The following B4GALT1 variants were observed in gnomAD, a reference collection of about 807,000 sequenced individuals.
B4GALT1 encodes N-acetyllactosamine synthase.
Under a neutral mutation model 34.9 loss-of-function variants are expected in B4GALT1, and 16 were observed. The ratio of observed to expected loss-of-function variants is 0.46; its 90% CI spans 0.31 to 0.70. The LOEUF is 0.70. Among genes scored for constraint, B4GALT1 ranks in the 30% least tolerant of loss-of-function variants. B4GALT1 has a pLI of 0.05. For missense variants in B4GALT1, 445 were observed against 530.5 expected, an observed-to-expected ratio of 0.84 and a Z score of 1.58; for synonymous variants, 221 against 218.1, an observed-to-expected ratio of 1.01 and a Z score of -0.12.
At chr9:33,151,009 T>C (rs1252013935) in intron 1 of B4GALT1, among the ~76,000 whole-genome samples, 1 of 151,914 alleles carries the variant, frequency 6.6e-6, no homozygotes, top group African/African-American at 2.4e-5. Context: ...AAGGGAGAGA[T>C]GGCGGATGGA....
At chr9:33,127,770 T>C (rs974259616) in intron 2 of B4GALT1, among the ~76,000 whole-genome samples, 1 of 152,174 alleles carries the variant, frequency 6.6e-6, no homozygotes, top group Non-Finnish European at 1.5e-5. Flanking sequence ...ATAAAGAATT[T>C]AAGGAAAAAG....
chr9:33,171,373 A>G (rs1261622743), upstream of B4GALT1, among the ~76,000 whole-genome samples: 1 of 152,206 alleles, frequency 6.6e-6, no homozygotes, highest in African/African-American at 2.4e-5. Context: ...AGGACTCTCC[A>G]TGTGGCTGCT....
intron 1 of B4GALT1, among the ~76,000 whole-genome samples, chr9:33,165,008 C>T (rs927605430): frequency 2.3e-5 from 3 of 132,714 alleles, no homozygotes; most frequent in Non-Finnish European, 4.7e-5. Context: ...AGTCTTGCTT[C>T]GTCGCCCAGG....
intron 3 of B4GALT1, among the ~76,000 whole-genome samples, chr9:33,117,025 T>C (rs753393430): frequency 6.6e-6 from 1 of 152,234 alleles, no homozygotes; most frequent in Non-Finnish European, 1.5e-5. Flanking sequence ...CTAGGCCCAG[T>C]TCTTCCTGAG....
chr9:33,124,382 CTTCT>C (rs1474632334), intron 2 of B4GALT1, among the ~76,000 whole-genome samples: 3 of 152,208 alleles, frequency 2.0e-5, no homozygotes, highest in East Asian at 1.9e-4. Context: ...GGAATGCTGG[CTTCT>C]TTATTTATTA....
At chr9:33,154,035 GA>G (rs1840562251) in intron 1 of B4GALT1, among the ~76,000 whole-genome samples, 3 of 53,356 alleles carry the variant, frequency 5.6e-5, no homozygotes, top group Admixed American at 1.6e-4. Context: ...GGAAGGAAGG[GA>G]GGGAGGGAGG....
At chr9:33,175,855 A>G in the B4GALT1 span, among the ~76,000 whole-genome samples, 105 of 152,236 alleles carry the variant, frequency 6.9e-4, no homozygotes, top group Non-Finnish European at 1.2e-3. Flanking sequence ...TTTCTCAGAA[A>G]GAATCCCCAT....
intron 2 of B4GALT1, among the ~76,000 whole-genome samples, chr9:33,127,154 G>A (rs3780492): frequency 0.011 from 1,738 of 152,076 alleles, 49 homozygotes; most frequent in East Asian, 0.11. Flanking sequence ...TAGTAGAGAC[G>A]GGGTTTCACC....
chr9:33,167,458 G>A (rs949611929), upstream of B4GALT1: 1 of 152,264 alleles, frequency 6.6e-6, no homozygotes, highest in Non-Finnish European at 1.4e-5. Context: ...CCCGTGGCGG[G>A]ATGGGCGCGC....
intron 1 of B4GALT1, among the ~76,000 whole-genome samples, chr9:33,145,519 C>T (rs767213786): frequency 4.3e-4 from 66 of 152,310 alleles, no homozygotes; most frequent in Non-Finnish European, 6.6e-4. Context: ...ATTCTGCCAC[C>T]TCAAAGGGCC....
chr9:33,120,815 T>C (rs1481326709), intron 2 of B4GALT1, among the ~76,000 whole-genome samples: 2 of 152,290 alleles, frequency 1.3e-5, no homozygotes, highest in Non-Finnish European at 2.9e-5. Context: ...AGGACTTGCA[T>C]GTGTGTGAAT....
the B4GALT1 span, among the ~76,000 whole-genome samples, chr9:33,175,308 C>T: frequency 6.6e-6 from 1 of 151,068 alleles, no homozygotes; most frequent in Non-Finnish European, 1.5e-5. Context: ...AAGACCCTGT[C>T]ACTAAAAAAA....
At chr9:33,170,433 C>T (rs1026938046), upstream of B4GALT1, among the ~76,000 whole-genome samples, 6 of 152,046 alleles carry the variant, frequency 3.9e-5, no homozygotes, top group South Asian at 2.1e-4. Context: ...GGGGTAAAGT[C>T]GGCCTGGCCA....
chr9:33,127,756 G>A (rs1433214956), intron 2 of B4GALT1, among the ~76,000 whole-genome samples: 2 of 152,244 alleles, frequency 1.3e-5, no homozygotes, highest in African/African-American at 4.8e-5. Flanking sequence ...GGAAGATGCT[G>A]ATGATAAAGA....
At chr9:33,160,874 T>C (rs192598872) in intron 1 of B4GALT1, among the ~76,000 whole-genome samples, 4 of 152,356 alleles carry the variant, frequency 2.6e-5, no homozygotes, top group Admixed American at 6.5e-5. Context: ...TGTGCTTTTA[T>C]ATCTCTTTCA....
At chr9:33,148,108 G>A (rs1476889018) in intron 1 of B4GALT1, among the ~76,000 whole-genome samples, 1 of 152,056 alleles carries the variant, frequency 6.6e-6, no homozygotes, top group African/African-American at 2.4e-5. Context: ...ACCAGGAAGG[G>A]ATTAATATCT....
chr9:33,171,184 G>C (rs538324616), upstream of B4GALT1, among the ~76,000 whole-genome samples: 2 of 152,362 alleles, frequency 1.3e-5, no homozygotes, highest in South Asian at 4.1e-4. Flanking sequence ...ACAATTTCTC[G>C]CAGTTTTGCA....
intron 4 of B4GALT1, 86 bp from the exon 5 acceptor site, chr9:33,113,964 C>T: frequency 8.3e-7 from 1 of 1,211,668 alleles, no homozygotes; most frequent in Non-Finnish European, 1.2e-6. Flanking sequence ...TTGCTCCATC[C>T]ACCATCACCC....
Position 33,113,521 on chromosome 9 carries a change from T to C in B4GALT1, c.1130A>G (p.Gln377Arg), listed in dbSNP as rs1839894576. 2.5e-6 allele frequency: 4 copies of C among 1,614,152 alleles called. No homozygotes were observed. Among genetic ancestry groups the C allele is most frequent in the Non-Finnish European group, 3.4e-6 (4 of 1,180,056 alleles). ...LSDGLNSLTY[Q>R]VLDVQRYPLY... The stretch of plus-strand genomic sequence containing the variant: ...TGGGTATCTCTGTACATCCAGCACC[T>C]GGTAGGTGAGTGAGTTCAAACCATC... The change falls in exon 6 of 6, where the codon CAG becomes CGG. Residue 377 changes from glutamine (Q) to arginine (R), a missense_variant. Gln to Arg is a conservative substitution (Grantham distance 43). This residue lies in a region of B4GALT1 where 89 missense variants were observed against 107.6 expected (regional missense o/e 0.83). Transcript: ENST00000379731.
Sources: gnomAD v4.1 joint callset for allele counts (sites outside exome capture counted in the v4.1 genomes callset) on GRCh38, gnomAD v4.1.1 for gene constraint, gnomAD v4.1.1 regional missense constraint, MANE v1.5 for transcripts, NCBI Gene and HGNC (gene_info 2026-07-23, HGNC 2026-07-21) for gene names.